The following MYOM2 variants were observed in gnomAD, a reference collection of about 807,000 sequenced individuals.
The protein encoded by MYOM2 is myomesin 2, also known as myomesin-2.
MYOM2 carries 254 observed loss-of-function variants against 187.6 expected under a neutral mutation model. The observed-to-expected ratio is 1.35, with a 90% confidence interval of 1.22 to 1.50. The LOEUF is 1.50. Among genes scored for constraint, MYOM2 ranks in the 40% most tolerant of loss-of-function variants. The pLI, the probability that MYOM2 is intolerant of heterozygous loss-of-function variation, is 0.00. For synonymous variants in MYOM2, 981 were observed against 753.8 expected (o/e 1.30, Z -4.94); for missense variants, 2,796 against 1,924.0 (o/e 1.45, Z -8.48).
intron 28 of MYOM2, among the ~76,000 whole-genome samples, chr8:2,119,841 T>C (rs1345637257): frequency 6.6e-6 from 1 of 152,058 alleles, no homozygotes; most frequent in Admixed American, 6.5e-5. Context: ...AAGGGGCTGC[T>C]TGGCCCCCAG....
In MYOM2 at chr8:2,057,472, G is replaced by A. The variant is rs760392633; in HGVS notation, c.388G>A (p.Ala130Thr). ...SQARDKLDKYAIQQMMEDKLA... is the reference protein window; with the variant it reads ...SQARDKLDKYTIQQMMEDKLA... Reference sequence around the variant, plus strand: ...GGCCCGCGACAAGCTGGACAAATACGCCATTCAGCAGATGGTAGGAGGGTC... The same window carrying A: ...GGCCCGCGACAAGCTGGACAAATACACCATTCAGCAGATGGTAGGAGGGTC... Residue 130 changes from alanine to threonine, a missense_variant, in exon 4 of 37, where the codon GCC becomes ACC. Ala to Thr is a moderately conservative substitution (Grantham distance 58). Transcript: ENST00000262113. 17 of 1,613,916 alleles carry A rather than the reference G, an allele frequency of 1.1e-5. No homozygotes were observed. The highest frequency in any genetic ancestry group is 5.3e-5 in the African/African-American group (4 of 74,932).
rs1001291506 is a variant in MYOM2 at position 2,116,393 on chromosome 8, G to C, written c.3385+118G>C. ...AGCAACCCTAAAGGCTGTTTTAAAT[G>C]ATTAAGAGGTTAGGCTTACCAACTG... On this transcript the variant is annotated intron_variant, in intron 27 of 36. Transcript: ENST00000262113. The C allele has an allele frequency of 2.0e-5, 20 of 995,028 alleles. No individual in the cohort carries two copies. The East Asian group carries it at 5.0e-4, about 25-fold the overall frequency. 61.6% of individuals were successfully genotyped at this position (995,028 alleles called of 1,614,324 possible).
At chr8:2,109,337 T>C (rs1224509451) in intron 24 of MYOM2, 58 bp from the exon 25 acceptor site, 10 of 1,515,234 alleles carry the variant, frequency 6.6e-6, no homozygotes. Context: ...AATTTGCAGG[T>C]ATTCTTCCTC....
chr8:2,109,301 A>T, intron 24 of MYOM2, 94 bp from the exon 25 acceptor site: 2 of 1,360,826 alleles, frequency 1.5e-6, no homozygotes, highest in East Asian at 2.4e-5. Context: ...TCAAAAATCT[A>T]ATAACTAGGA....
chr8:2,128,776 C>A (rs1228941436), intron 31 of MYOM2, among the ~76,000 whole-genome samples: 1 of 152,158 alleles, frequency 6.6e-6, no homozygotes, highest in African/African-American at 2.4e-5. Context: ...TACGATAGTT[C>A]AGCTTGGGGT....
At chr8:2,119,428 T>C (rs541021315) in intron 28 of MYOM2, 1 of 152,744 alleles carries the variant, frequency 6.5e-6, no homozygotes, top group African/African-American at 2.4e-5. Flanking sequence ...GGAGGGACTT[T>C]GGAGTGAAGC....
intron 2 of MYOM2, among the ~76,000 whole-genome samples, chr8:2,051,296 A>G (rs1035644609): frequency 1.3e-5 from 2 of 152,176 alleles, no homozygotes; most frequent in Non-Finnish European, 2.9e-5. Flanking sequence ...TGATTTGGCT[A>G]CATCGATCAT....
chr8:2,047,337 C>T (rs1217426355), intron 1 of MYOM2, among the ~76,000 whole-genome samples: 4 of 152,090 alleles, frequency 2.6e-5, no homozygotes, highest in East Asian at 1.9e-4. Flanking sequence ...CATAGGAAGT[C>T]CCCCAAGGAG....
chr8:2,050,619 T>C, intron 1 of MYOM2, 136 bp from the exon 2 acceptor site: 1 of 534,492 alleles, frequency 1.9e-6, no homozygotes, highest in South Asian at 2.9e-5. Context: ...TCTGGCCATG[T>C]AATCTTTCAT....
intron 3 of MYOM2, among the ~76,000 whole-genome samples, chr8:2,052,749 C>G (rs762751461): frequency 1.3e-5 from 2 of 152,194 alleles, no homozygotes; most frequent in Non-Finnish European, 2.9e-5. Flanking sequence ...CCACTTGCAA[C>G]CTCTGTAGCT....
intron 31 of MYOM2, 42 bp downstream of exon 31, chr8:2,124,259 G>C: frequency 6.4e-7 from 1 of 1,571,416 alleles, no homozygotes; most frequent in South Asian, 1.1e-5. Flanking sequence ...TTGGGGTGCT[G>C]AAATCACTAT....
intron 34 of MYOM2, 102 bp downstream of exon 34, chr8:2,141,279 A>G (rs1798265676): frequency 2.1e-6 from 2 of 963,042 alleles, no homozygotes; most frequent in African/African-American, 1.6e-5. Context: ...GGTGACCTAA[A>G]GAAAGAGCCA....
At chr8:2,079,014 C>T in intron 12 of MYOM2, 81 bp downstream of exon 12, 1 of 1,389,268 alleles carries the variant, frequency 7.2e-7, no homozygotes, top group South Asian at 1.2e-5. Context: ...TCTTTCCCTC[C>T]CAACTCGATG....
chr8:2,053,543 TA>T (rs1221255901), intron 3 of MYOM2, among the ~76,000 whole-genome samples: 2 of 152,258 alleles, frequency 1.3e-5, no homozygotes, highest in African/African-American at 4.8e-5. Flanking sequence ...GGTAAAATGG[TA>T]ACAGTGAGTG....
rs1192500592 is a variant in MYOM2 at position 2,069,693 on chromosome 8, C to T, written c.793+196C>T. ...GCCTCCCGGGTTCACACCTAAGGGTCAAATCTTTTTTACAAAAATCATTTC... is the reference window on the plus strand; with the variant it reads ...GCCTCCCGGGTTCACACCTAAGGGTTAAATCTTTTTTACAAAAATCATTTC... On this transcript the variant is annotated intron_variant, in intron 8 of 36. Transcript: ENST00000262113. Among the ~76,000 whole-genome samples the T allele has an allele frequency of 3.3e-5, 5 of 152,050 alleles. No homozygotes were observed. In the East Asian group the frequency reaches 9.7e-4, roughly 29 times the overall value.
intron 13 of MYOM2, among the ~76,000 whole-genome samples, chr8:2,080,312 C>T (rs1356402948): frequency 6.6e-6 from 1 of 152,228 alleles, no homozygotes; most frequent in Non-Finnish European, 1.5e-5. Context: ...CGTGTTCTCT[C>T]TCCTAGAGCT....
At chr8:2,046,763 T>C (rs199872990) in intron 1 of MYOM2, among the ~76,000 whole-genome samples, 2,936 of 151,102 alleles carry the variant, frequency 0.019, 100 homozygotes, top group African/African-American at 0.067. Context: ...TTTTTTTTTT[T>C]TTGGTTGGTG....
intron 25 of MYOM2, among the ~76,000 whole-genome samples, chr8:2,111,107 G>A (rs73552706): frequency 0.015 from 2,227 of 152,300 alleles, 50 homozygotes; most frequent in African/African-American, 0.051. Flanking sequence ...CTTTATTTGC[G>A]GGATATCTTT....
chr8:2,068,907 G>A (rs1198785042), intron 6 of MYOM2, among the ~76,000 whole-genome samples: 5 of 152,208 alleles, frequency 3.3e-5, no homozygotes, highest in Non-Finnish European at 5.9e-5. Flanking sequence ...TGGAGCTTGA[G>A]GTCACGGGAG....
Sources: allele counts gnomAD v4.1 joint callset (sites outside exome capture counted in the v4.1 genomes callset), GRCh38; gene constraint gnomAD v4.1.1; transcripts MANE v1.5; gene names NCBI Gene and HGNC (gene_info 2026-07-23, HGNC 2026-07-21).